NR1H4: variants seen among roughly 807,000 people sequenced by gnomAD.
NR1H4 encodes the protein nuclear receptor subfamily 1 group H member 4, also known as bile acid receptor.
NR1H4 carries 23 observed loss-of-function variants against 58.5 expected under a neutral mutation model. The observed-to-expected ratio is 0.39, with a 90% CI of 0.28 to 0.56. The LOEUF is 0.56. Ranked by LOEUF, NR1H4 falls within the 20% of genes least tolerant of loss-of-function variation. NR1H4 has a pLI of 0.58. For missense variants in NR1H4, 487 were observed against 576.9 expected (o/e 0.84, Z 1.60); for synonymous variants, 214 against 198.0 (o/e 1.08, Z -0.68).
chr12:100,475,413 C>T (rs1199174323), intron 1 of NR1H4, among the ~76,000 whole-genome samples: 1 of 152,172 alleles, frequency 6.6e-6, no homozygotes, highest in African/African-American at 2.4e-5. Flanking sequence ...AGGGACAAAG[C>T]TCTCTTGTCC....
At chr12:100,547,705 TTTTA>T (rs146393173) in intron 9 of NR1H4, among the ~76,000 whole-genome samples, 14,186 of 149,804 alleles carry the variant, frequency 0.095, 2,156 homozygotes, top group African/African-American at 0.32. Flanking sequence ...TATTCCTTTG[TTTTA>T]TTTATTTATT....
In NR1H4 at chr12:100,554,428, C is replaced by G. The variant is rs1955278367; in HGVS notation, c.1079-7457C>G. 2.0e-5 allele frequency among the ~76,000 whole-genome samples: 3 copies of G among 150,980 alleles called. No homozygotes were observed. In the South Asian group the frequency reaches 6.3e-4, roughly 32 times the overall value. On this transcript the variant is annotated intron_variant, in intron 9 of 10. Transcript: ENST00000392986. The stretch of plus-strand genomic sequence containing the variant: ...ACACACACACACACACACACACCTG[C>G]TTCATTTTTGTTCCCAATTACGACT...
chr12:100,560,717 G>C (rs924764038), intron 9 of NR1H4, among the ~76,000 whole-genome samples: 2 of 152,236 alleles, frequency 1.3e-5, no homozygotes, highest in African/African-American at 2.4e-5. Context: ...CGTGGATAGG[G>C]ATAGATCAAA....
chr12:100,545,672 A>T (rs1955052584), intron 9 of NR1H4, among the ~76,000 whole-genome samples: 2 of 119,808 alleles, frequency 1.7e-5, no homozygotes, highest in Admixed American at 1.6e-4. Flanking sequence ...AAAAAAAACC[A>T]AACGGGGGGC....
At chr12:100,500,152 C>G in intron 3 of NR1H4, 3 of 332,638 alleles carry the variant, frequency 9.0e-6, no homozygotes, top group South Asian at 7.6e-5. Flanking sequence ...GAAACAAAAT[C>G]CAATGTTTAA....
intron 9 of NR1H4, 120 bp downstream of exon 9, chr12:100,540,938 A>G: frequency 1.1e-6 from 1 of 929,270 alleles, no homozygotes; most frequent in East Asian, 2.5e-5. Flanking sequence ...CCTAGCATGA[A>G]GAATGGCTCT....
intron 4 of NR1H4, among the ~76,000 whole-genome samples, chr12:100,515,789 T>A (rs1264728243): frequency 1.3e-5 from 2 of 152,240 alleles, no homozygotes; most frequent in African/African-American, 4.8e-5. Flanking sequence ...TAAATATTGA[T>A]GCTCAAATCA....
chr12:100,517,591 T>TTGTGA (rs1413400265), intron 4 of NR1H4, among the ~76,000 whole-genome samples: 7 of 152,336 alleles, frequency 4.6e-5, no homozygotes, highest in Middle Eastern at 3.4e-3. Context: ...ATTTTTAATT[T>TTGTGA]TGTGAGGAAA....
rs368611417 is a variant in NR1H4, at chr12:100,492,192, G to A, written c.-189-311G>A. Among the ~76,000 whole-genome samples, 12 of 152,262 alleles carry A rather than the reference G, an allele frequency of 7.9e-5. No individual in the cohort carries two copies. The East Asian group carries it at 1.4e-3, about 17-fold the overall frequency. On this transcript the variant is annotated intron_variant, in intron 1 of 10. Transcript: ENST00000392986. ...TGAAGGAAACAGGTTTCTGGTGGACGACTTTCCCAGCAGCCAAGTGCACCT... is the reference window on the plus strand; with the variant it reads ...TGAAGGAAACAGGTTTCTGGTGGACAACTTTCCCAGCAGCCAAGTGCACCT...
At chr12:100,508,353 C>T (rs1954019576) in intron 3 of NR1H4, among the ~76,000 whole-genome samples, 1 of 151,998 alleles carries the variant, frequency 6.6e-6, no homozygotes, top group Non-Finnish European at 1.5e-5. Flanking sequence ...TAGAGTCATG[C>T]AGAAGCTTGC....
chr12:100,473,934 G>A lies in NR1H4; in HGVS notation c.-315G>A, dbSNP rs774088925. 4 of 152,244 alleles carry A rather than the reference G, an allele frequency of 2.6e-5. No homozygotes were observed. The highest frequency in any genetic ancestry group is 2.1e-4 in the South Asian group (1 of 4,812). 9.4% of individuals were successfully genotyped at this position (152,244 alleles called of 1,614,324 possible). ...CTCCTCCTCACCTCATTGTCTCCCCGACTTATCCTAATGCGAAATTGGATT... is the reference window on the plus strand; with the variant it reads ...CTCCTCCTCACCTCATTGTCTCCCCAACTTATCCTAATGCGAAATTGGATT... On this transcript the variant is annotated 5_prime_UTR_variant, in exon 1 of 11. Coordinates refer to ENST00000392986, the MANE Select transcript of NR1H4 (RefSeq NM_001206979.2).
intron 5 of NR1H4, among the ~76,000 whole-genome samples, chr12:100,533,304 G>A (rs545930993): frequency 4.6e-5 from 7 of 152,292 alleles, no homozygotes; most frequent in African/African-American, 1.7e-4. Context: ...GATATGTCCT[G>A]TTTCTCCTCA....
At position 100,563,518 on chromosome 12, in the gene NR1H4, C is replaced by T. The variant is rs201354568; in HGVS notation, c.*29C>T. 2 of 1,504,018 alleles carry T rather than the reference C, an allele frequency of 1.3e-6. No individual in the cohort carries two copies. The highest frequency in any genetic ancestry group is 2.3e-5 in the East Asian group (1 of 44,392). 93.2% of individuals were successfully genotyped at this position (1,504,018 alleles called of 1,614,324 possible). On this transcript the variant is annotated 3_prime_UTR_variant, in exon 11 of 11. Transcript: ENST00000392986. ...GGATTACAGGGGAGGGGTCTAGCTC[C>T]TTTTTCTCTCTCATATTAATCTGAT...
chr12:100,546,312 G>A (rs1045136544), intron 9 of NR1H4, among the ~76,000 whole-genome samples: 1 of 152,134 alleles, frequency 6.6e-6, no homozygotes, highest in Non-Finnish European at 1.5e-5. Flanking sequence ...CAAAATATCA[G>A]TCCCAAGTAT....
intron 9 of NR1H4, among the ~76,000 whole-genome samples, chr12:100,556,919 G>T (rs1387368822): frequency 2.0e-5 from 3 of 152,162 alleles, no homozygotes; most frequent in Non-Finnish European, 2.9e-5. Flanking sequence ...GCATACTTCG[G>T]GATCTTTTAC....
chr12:100,495,999 G>C (rs540432330), intron 3 of NR1H4, among the ~76,000 whole-genome samples: 1 of 152,264 alleles, frequency 6.6e-6, no homozygotes, highest in South Asian at 2.1e-4. Flanking sequence ...CAACTGCCCA[G>C]AAAGCTGGAC....
rs867925848 is a variant in NR1H4, at chr12:100,481,795, T to C, written c.-190+7736T>C. Among the ~76,000 whole-genome samples the C allele has an allele frequency of 2.8e-4, 43 of 152,140 alleles. 1 individual carries two copies. Among genetic ancestry groups the C allele is most frequent in the Middle Eastern group, 3.4e-3 (1 of 294 alleles). On this transcript the variant is annotated intron_variant, in intron 1 of 10. Coordinates refer to ENST00000392986, the MANE Select transcript of NR1H4 (RefSeq NM_001206979.2). ...TGGGCATGGTGGCGGGTGCCTGTAG[T>C]CCCAGCTACTCGGGAGGCTGAGGCA...
intron 4 of NR1H4, among the ~76,000 whole-genome samples, chr12:100,520,727 C>A (rs183719253): frequency 6.6e-6 from 1 of 152,182 alleles, no homozygotes; most frequent in Non-Finnish European, 1.5e-5. Context: ...GTAGAAACAA[C>A]GGAAGAACAG....
Position 100,545,670 on chromosome 12 carries a change from C to CAAAAAA in NR1H4, c.1078+4852_1078+4853insAAAAAA, listed in dbSNP as rs1491260773. On this transcript the variant is annotated intron_variant, in intron 9 of 10. Transcript: ENST00000392986. ...AAAAAAAAAAAAAAAAAAAAAAAAA[C>CAAAAAA]CAAACGGGGGGCATATATGCGTAAT... is the stretch of plus-strand genomic sequence containing the variant. Among the ~76,000 whole-genome samples, 16 of 87,178 alleles carry CAAAAAA rather than the reference C, an allele frequency of 1.8e-4. 1 individual carries two copies. Among genetic ancestry groups the CAAAAAA allele is most frequent in the African/African-American group, 7.8e-4 (15 of 19,324 alleles). 57.2% of individuals were successfully genotyped at this position (87,178 alleles called of 152,430 possible).
Sources: allele counts gnomAD v4.1 joint callset (sites outside exome capture counted in the v4.1 genomes callset), GRCh38; gene constraint gnomAD v4.1.1; transcripts MANE v1.5; gene names NCBI Gene and HGNC (gene_info 2026-07-23, HGNC 2026-07-21).